The following CDA variants were observed in gnomAD, a reference collection of about 807,000 sequenced individuals.
CDA encodes the protein cytidine aminohydrolase.
In CDA, 7 loss-of-function variants were observed where a neutral mutation model predicts 15.0. That is an observed-to-expected ratio of 0.47 (90% CI 0.26 to 0.87). CDA has a LOEUF of 0.87. CDA is among the 40% of genes least tolerant of loss of function. The pLI is 0.15. For missense variants in CDA, 159 were observed against 182.7 expected, an observed-to-expected ratio of 0.87 and a Z score of 0.75; for synonymous variants, 58 against 73.0, an observed-to-expected ratio of 0.79 and a Z score of 1.05.
At chr1:20,590,895 G>A (rs2101172766) in intron 1 of CDA, among the ~76,000 whole-genome samples, 2 of 152,292 alleles carry the variant, frequency 1.3e-5, no homozygotes, top group South Asian at 2.1e-4. Flanking sequence ...AGCATTTCCT[G>A]GCCTGTGGGG....
chr1:20,593,421 G>A (rs2052565974), intron 1 of CDA, among the ~76,000 whole-genome samples: 2 of 152,222 alleles, frequency 1.3e-5, no homozygotes, highest in Non-Finnish European at 2.9e-5. Flanking sequence ...GGCAAGGGTA[G>A]TGCTTGTCTC....
intron 1 of CDA, among the ~76,000 whole-genome samples, chr1:20,594,796 A>AAG (rs2052578198): frequency 6.6e-6 from 1 of 151,804 alleles, no homozygotes; most frequent in South Asian, 2.1e-4. Flanking sequence ...CTCAAAAAAA[A>AAG]AAAAAAGAAA....
rs1260441537 is a variant in CDA, at chr1:20,606,997, A to C, written c.266+1958A>C. On this transcript the variant is annotated intron_variant, in intron 2 of 3. Coordinates refer to ENST00000375071, the MANE Select transcript of CDA (RefSeq NM_001785.3). ...GGAAATGTTGATCCCACCCAGAAGG[A>C]GGCTGCATGCCTGTTGGTCTTTAGG... 3.3e-5 allele frequency among the ~76,000 whole-genome samples: 5 copies of C among 152,170 alleles called. No homozygotes were observed. The East Asian group carries it at 9.6e-4, about 29-fold the overall frequency.
intron 1 of CDA, among the ~76,000 whole-genome samples, chr1:20,602,686 CT>C (rs2052656693): frequency 6.6e-6 from 1 of 151,964 alleles, no homozygotes; most frequent in Non-Finnish European, 1.5e-5. Context: ...TCCCAAAGTG[CT>C]GGGATTATAG....
At chr1:20,601,215 C>G (rs568881160) in intron 1 of CDA, among the ~76,000 whole-genome samples, 1 of 152,184 alleles carries the variant, frequency 6.6e-6, no homozygotes, top group Non-Finnish European at 1.5e-5. Context: ...TCATTGGTCT[C>G]TTCCATAATG....
rs2101171034 is a variant in CDA, at chr1:20,589,248, C to T, written c.119C>T (p.Ala40Val). Reference sequence around the variant, plus strand: ...CCCTACAGTCACTTTCCTGTGGGGGCTGCCCTGCTCACCCAGGAGGGGAGA... The same window carrying T: ...CCCTACAGTCACTTTCCTGTGGGGGTTGCCCTGCTCACCCAGGAGGGGAGA... ...YCPYSHFPVG[A>V]ALLTQEGRIF... The change falls in exon 1 of 4, where the codon GCT (alanine) becomes GTT (valine). Residue 40 changes from alanine to valine, a missense_variant. Physicochemically the swap from Ala to Val is moderately conservative, Grantham distance 64 (BLOSUM62 0). Transcript: ENST00000375071. 1 of 1,614,090 alleles carries T rather than the reference C, an allele frequency of 6.2e-7. No homozygotes were observed. Among genetic ancestry groups the T allele is most frequent in the Non-Finnish European group, 8.5e-7 (1 of 1,180,006 alleles).
intron 2 of CDA, among the ~76,000 whole-genome samples, chr1:20,610,781 A>G (rs2052742809): frequency 6.6e-6 from 1 of 152,228 alleles, no homozygotes; most frequent in African/African-American, 2.4e-5. Flanking sequence ...TAAAGTTTAC[A>G]AAGTCTTCCA....
chr1:20,604,702 T>C (rs560397967), intron 1 of CDA, among the ~76,000 whole-genome samples: 1 of 152,262 alleles, frequency 6.6e-6, no homozygotes, highest in East Asian at 1.9e-4. Context: ...CATGGAGGCA[T>C]TGGGTAAATT....
At position 20,618,538 on chromosome 1, in the gene CDA, T is replaced by C; in HGVS notation, c.411T>C (p.Phe137=). ...TCCAGGAGCTGCTGCCCTCCTCCTT[T>C]GGGCCTGAGGACCTGCAGAAGACCC... ...MTVQELLPSS[F]GPEDLQKTQ is the part of the protein sequence containing the mutation. Residue 137 remains phenylalanine, a synonymous_variant, in exon 4 of 4, where the codon TTT becomes TTC. Transcript: ENST00000375071. 2 of 1,611,898 alleles carry C rather than the reference T, an allele frequency of 1.2e-6. No individual in the cohort carries two copies. Among genetic ancestry groups the C allele is most frequent in the Non-Finnish European group, 1.7e-6 (2 of 1,178,068 alleles).
At chr1:20,610,674 G>A (rs541774927) in intron 2 of CDA, among the ~76,000 whole-genome samples, 2 of 152,234 alleles carry the variant, frequency 1.3e-5, no homozygotes, top group East Asian at 3.9e-4. Flanking sequence ...ATAAAACTGT[G>A]TATGATAAAG....
chr1:20,589,367 C>A, intron 1 of CDA, 84 bp downstream of exon 1: 2 of 1,337,432 alleles, frequency 1.5e-6, no homozygotes, highest in South Asian at 1.2e-5. Context: ...GGCGCAGAGG[C>A]ACAGGCAGTG....
At chr1:20,596,722 T>C (rs566657362) in intron 1 of CDA, among the ~76,000 whole-genome samples, 2 of 150,514 alleles carry the variant, frequency 1.3e-5, no homozygotes, top group East Asian at 3.9e-4. Flanking sequence ...TGGGCCCAAA[T>C]AGCCTCATTG....
intron 1 of CDA, among the ~76,000 whole-genome samples, chr1:20,591,067 T>C (rs1179088465): frequency 2.0e-5 from 3 of 152,120 alleles, no homozygotes; most frequent in Non-Finnish European, 1.5e-5. Flanking sequence ...TAGTCGGGCA[T>C]GGTGGCTCAC....
chr1:20,599,257 C>T (rs1015782784), intron 1 of CDA, among the ~76,000 whole-genome samples: 1 of 152,098 alleles, frequency 6.6e-6, no homozygotes, highest in African/African-American at 2.4e-5. Flanking sequence ...AAAGGAGATG[C>T]GAGCCAAGAG....
intron 1 of CDA, among the ~76,000 whole-genome samples, chr1:20,590,423 A>G (rs1451227197): frequency 6.6e-6 from 1 of 152,162 alleles, no homozygotes; most frequent in Admixed American, 6.5e-5. Context: ...TGAGGTGAAT[A>G]TTAAACATTA....
chr1:20,589,373 C>G, intron 1 of CDA, 90 bp downstream of exon 1: 5 of 1,282,940 alleles, frequency 3.9e-6, no homozygotes, highest in Non-Finnish European at 5.5e-6. Flanking sequence ...GAGGCACAGG[C>G]AGTGGCAAGA....
intron 1 of CDA, among the ~76,000 whole-genome samples, chr1:20,597,739 T>A (rs141742715): frequency 6.6e-6 from 1 of 152,212 alleles, no homozygotes; most frequent in East Asian, 1.9e-4. Context: ...CTCTCATGTA[T>A]GTTTTGAAGT....
chr1:20,618,050 C>T (rs2052833389), intron 3 of CDA, among the ~76,000 whole-genome samples: 2 of 151,862 alleles, frequency 1.3e-5, no homozygotes, highest in African/African-American at 4.8e-5. Flanking sequence ...TTATTAGCAG[C>T]TTGAGAACAG....
chr1:20,613,770 G>C lies in CDA; in HGVS notation c.267-72G>C, dbSNP rs2052775806. 175 of 1,405,834 alleles carry C rather than the reference G, an allele frequency of 1.2e-4. 1 individual carries two copies. The South Asian group carries it at 2.0e-3, about 16-fold the overall frequency. 87.1% of individuals were successfully genotyped at this position (1,405,834 alleles called of 1,614,324 possible). ...CAAATCAGGAACAGACCGAGTCTCA[G>C]GGCCTGAATCTTAGCAATTGTCCTC... On this transcript the variant is annotated intron_variant, in intron 2 of 3. Transcript: ENST00000375071.
Sources: allele counts gnomAD v4.1 joint callset (sites outside exome capture counted in the v4.1 genomes callset), GRCh38; gene constraint gnomAD v4.1.1; transcripts MANE v1.5; gene names NCBI Gene and HGNC (gene_info 2026-07-23, HGNC 2026-07-21).